The following PDS5A variants were observed in gnomAD, a reference collection of about 807,000 sequenced individuals.
PDS5A encodes the protein PDS5 cohesin associated factor A, also known as sister chromatid cohesion protein PDS5 homolog A.
PDS5A carries 42 observed loss-of-function variants against 167.1 expected under a neutral mutation model. The observed-to-expected ratio is 0.25, with a 90% CI of 0.20 to 0.33. The LOEUF (loss-of-function observed/expected upper bound fraction) is 0.33. Among genes scored for constraint, PDS5A ranks in the 10% least tolerant of loss-of-function variants. PDS5A has a pLI of 1.00. For synonymous variants in PDS5A, 553 were observed against 554.6 expected (o/e 1.00, Z 0.04); for missense variants, 1,033 against 1,605.9 (o/e 0.64, Z 6.10).
chr4:39,896,017 C>T (rs986635814), intron 16 of PDS5A, among the ~76,000 whole-genome samples: 2 of 147,438 alleles, frequency 1.4e-5, no homozygotes, highest in Non-Finnish European at 3.0e-5. Context: ...AGCCACCACA[C>T]CTGGCCCGGT....
chr4:39,901,487 CT>C (rs1205824141), intron 13 of PDS5A, among the ~76,000 whole-genome samples: 4 of 152,054 alleles, frequency 2.6e-5, no homozygotes, highest in Non-Finnish European at 5.9e-5. Context: ...CCAGGCTGGT[CT>C]CGAACTCCTA....
intron 30 of PDS5A, among the ~76,000 whole-genome samples, chr4:39,844,048 G>A (rs1560420577): frequency 6.6e-6 from 1 of 152,074 alleles, no homozygotes; most frequent in Admixed American, 6.6e-5. Context: ...TACTTGGGAT[G>A]CTGAAGCGAG....
In PDS5A at chr4:39,908,550, GA is replaced by G. The variant is rs758680614; in HGVS notation, c.1088-11del. 1.0e-5 allele frequency: 15 copies of G among 1,502,062 alleles called. No individual in the cohort carries two copies. The highest frequency in any genetic ancestry group is 1.4e-5 in the Non-Finnish European group (15 of 1,098,070). 93.0% of individuals were successfully genotyped at this position (1,502,062 alleles called of 1,614,324 possible). On this transcript the variant is annotated splice_polypyrimidine_tract_variant and intron_variant, in intron 10 of 32. Transcript: ENST00000303538. ...CTAACCTTTAAATATTCTGTAATAAGAGAAAAAAAACTTAGGCTAAATGTTA... is the reference window on the plus strand; with the variant it reads ...CTAACCTTTAAATATTCTGTAATAAGGAAAAAAAACTTAGGCTAAATGTTA...
chr4:39,840,616 G>A (rs868731469), intron 31 of PDS5A, among the ~76,000 whole-genome samples: 2 of 150,852 alleles, frequency 1.3e-5, no homozygotes, highest in Middle Eastern at 3.5e-3. Context: ...GGCTGGTCTG[G>A]AACTCCTGAC....
chr4:39,971,656 C>T (rs1173307150), intron 2 of PDS5A, among the ~76,000 whole-genome samples: 2 of 151,964 alleles, frequency 1.3e-5, no homozygotes, highest in South Asian at 2.1e-4. Context: ...GATGGGGTTT[C>T]ACCATGTTGG....
At chr4:39,863,301 G>A (rs778482883) in intron 24 of PDS5A, 35 bp downstream of exon 24, 2 of 1,498,414 alleles carry the variant, frequency 1.3e-6, no homozygotes, top group African/African-American at 1.4e-5. Flanking sequence ...CAACTTTGAA[G>A]ATAAGTAATT....
intron 26 of PDS5A, among the ~76,000 whole-genome samples, chr4:39,853,728 T>C (rs1405732703): frequency 6.6e-6 from 1 of 152,230 alleles, no homozygotes; most frequent in African/African-American, 2.4e-5. Context: ...CCCTGGCTCC[T>C]TAAATACTTT....
At chr4:39,841,900 G>A (rs778236195) in intron 31 of PDS5A, 48 bp downstream of exon 31, 3 of 1,012,312 alleles carry the variant, frequency 3.0e-6, no homozygotes, top group East Asian at 4.8e-5. Flanking sequence ...CGGAAAAACT[G>A]TAATAATCTC....
At chr4:39,877,277 G>C in intron 18 of PDS5A, 124 bp from the exon 19 acceptor site, 1 of 532,910 alleles carries the variant, frequency 1.9e-6, no homozygotes, top group Non-Finnish European at 3.2e-6. Context: ...ACACAGAATA[G>C]AGATACATCT....
At chr4:39,956,788 T>TCAGCC (rs1304404395) in intron 2 of PDS5A, among the ~76,000 whole-genome samples, 1 of 151,980 alleles carries the variant, frequency 6.6e-6, no homozygotes, top group Non-Finnish European at 1.5e-5. Flanking sequence ...TCCTCCTGCC[T>TCAGCC]CAGCCTCCAG....
chr4:39,939,688 T>C (rs932898755), intron 2 of PDS5A, among the ~76,000 whole-genome samples: 7 of 151,902 alleles, frequency 4.6e-5, no homozygotes, highest in African/African-American at 1.7e-4. Flanking sequence ...TCCCAGGTAC[T>C]TGGGTCACTG....
In PDS5A at chr4:39,852,838, A is replaced by G. The variant is rs78463223; in HGVS notation, c.3087-3186T>C. 9.6e-3 allele frequency among the ~76,000 whole-genome samples: 1,457 copies of G among 152,120 alleles called. 11 individuals carry two copies. The highest frequency in any genetic ancestry group is 0.016 in the Non-Finnish European group (1,093 of 68,004). On this transcript the variant is annotated intron_variant, in intron 26 of 32. Coordinates refer to ENST00000303538, the MANE Select transcript of PDS5A (RefSeq NM_001100399.2). The stretch of plus-strand genomic sequence containing the variant: ...TTGACTCCATCTTTAAGTCCTGCCA[A>G]TTTTCTGGGCAATCTGTTCAACACG...
chr4:39,860,457 A>G (rs1718891164), intron 26 of PDS5A, among the ~76,000 whole-genome samples: 1 of 151,278 alleles, frequency 6.6e-6, no homozygotes, highest in Non-Finnish European at 1.5e-5. Context: ...AGAGTAAGAC[A>G]CTTGTCTCAA....
chr4:39,926,326 A>G (rs545602191), intron 4 of PDS5A, among the ~76,000 whole-genome samples: 10 of 152,226 alleles, frequency 6.6e-5, no homozygotes, highest in African/African-American at 2.2e-4. Flanking sequence ...GTTTGAGACC[A>G]GCCTCAACAT....
intron 13 of PDS5A, among the ~76,000 whole-genome samples, chr4:39,901,737 A>C (rs1722905058): frequency 6.6e-6 from 1 of 152,226 alleles, no homozygotes; most frequent in Non-Finnish European, 1.5e-5. Context: ...TCTTCAGATC[A>C]GAATTCTTAA....
At chr4:39,849,070 T>C (rs1717888193) in intron 27 of PDS5A, 100 bp from the exon 28 acceptor site, 4 of 841,618 alleles carry the variant, frequency 4.8e-6, no homozygotes, top group Non-Finnish European at 7.3e-6. Context: ...AGAAGGATAC[T>C]GTGGTTGTTA....
chr4:39,879,612 G>A, intron 18 of PDS5A, 116 bp downstream of exon 18: 1 of 567,920 alleles, frequency 1.8e-6, no homozygotes, highest in Non-Finnish European at 3.2e-6. Context: ...TCCAACACAA[G>A]TTTTAAATCT....
chr4:39,947,637 T>C (rs1298375977), intron 2 of PDS5A, among the ~76,000 whole-genome samples: 2 of 152,074 alleles, frequency 1.3e-5, no homozygotes, highest in African/African-American at 2.4e-5. Context: ...AATTGCACAA[T>C]AGTCTCATAA....
chr4:39,874,735 T>A (rs1326447661), intron 19 of PDS5A, among the ~76,000 whole-genome samples: 1 of 152,214 alleles, frequency 6.6e-6, no homozygotes, highest in African/African-American at 2.4e-5. Context: ...ACCTTCTAAG[T>A]AGCAATATTG....
Sources: allele counts gnomAD v4.1 joint callset (sites outside exome capture counted in the v4.1 genomes callset), GRCh38; gene constraint gnomAD v4.1.1; transcripts MANE v1.5; gene names NCBI Gene and HGNC (gene_info 2026-07-23, HGNC 2026-07-21).